The following SI variants were observed in gnomAD, a reference collection of about 807,000 sequenced individuals.
The protein encoded by SI is sucrase-isomaltase, also known as sucrase-isomaltase, intestinal.
Under a neutral mutation model 253.3 loss-of-function variants are expected in SI, and 235 were observed. That is an observed-to-expected ratio of 0.93 (90% CI 0.83 to 1.03). The LOEUF (loss-of-function observed/expected upper bound fraction) is 1.03, where lower values mean the gene tolerates loss of function less well. SI is among the 50% of genes least tolerant of loss of function. SI has a pLI of 0.00. For synonymous variants in SI, 819 were observed against 712.0 expected, an observed-to-expected ratio of 1.15 and a Z score of -2.39; for missense variants, 2,442 against 2,211.1, an observed-to-expected ratio of 1.10 and a Z score of -2.09.
At chr3:165,067,277 T>C in intron 6 of SI, 63 bp downstream of exon 6, 1 of 1,232,862 alleles carries the variant, frequency 8.1e-7, no homozygotes, top group Non-Finnish European at 1.1e-6. Flanking sequence ...TGTCTTGAAA[T>C]TAAGACTTTC....
At chr3:165,075,336 A>G (rs1560022167) in intron 2 of SI, among the ~76,000 whole-genome samples, 1 of 152,050 alleles carries the variant, frequency 6.6e-6, no homozygotes, top group Non-Finnish European at 1.5e-5. Flanking sequence ...TGCTCAAGAG[A>G]GAATAATGAA....
chr3:165,053,703 AT>A (rs2108239607), intron 13 of SI, among the ~76,000 whole-genome samples: 1 of 152,264 alleles, frequency 6.6e-6, no homozygotes, highest in Non-Finnish European at 1.5e-5. Context: ...AATGCAAGAA[AT>A]GCAACACTCT....
chr3:165,012,980 A>G lies in SI; in HGVS notation c.4062T>C (p.Asn1354=). ...DKTLTEDEAV[N]ASRAHVAFPD... is the part of the protein sequence containing the mutation. Reference sequence around the variant, plus strand: ...TATAGTTAGCCCGTGTAAAACTTACATTAACAGCTTCATCTTCCGTTAGAG... The same window carrying G: ...TATAGTTAGCCCGTGTAAAACTTACGTTAACAGCTTCATCTTCCGTTAGAG... Residue 1354 remains asparagine, a splice_region_variant and synonymous_variant, in exon 34 of 48, where the codon AAT becomes AAC. Coordinates refer to ENST00000264382, the MANE Select transcript of SI (RefSeq NM_001041.4). 2 of 1,596,382 alleles carry G rather than the reference A, an allele frequency of 1.3e-6. No homozygotes were observed. Among genetic ancestry groups the G allele is most frequent in the South Asian group, 1.1e-5 (1 of 90,706 alleles).
chr3:165,009,996 G>A lies in SI; in HGVS notation c.4063-601C>T, dbSNP rs367622809. 5.3e-5 allele frequency among the ~76,000 whole-genome samples: 8 copies of A among 152,120 alleles called. 1 individual carries two copies. Among genetic ancestry groups the A allele is most frequent in the East Asian group, 1.9e-4 (1 of 5,178 alleles). Reference sequence around the variant, plus strand: ...AGATTGACCTGCAGCTAAGTTAATTGGGTATGTCTCAAAAAAATGACATGA... The same window carrying A: ...AGATTGACCTGCAGCTAAGTTAATTAGGTATGTCTCAAAAAAATGACATGA... On this transcript the variant is annotated intron_variant, in intron 34 of 47. Transcript: ENST00000264382.
At chr3:165,062,212 A>G (rs1235447355) in intron 9 of SI, among the ~76,000 whole-genome samples, 159 bp downstream of exon 9, 1 of 151,860 alleles carries the variant, frequency 6.6e-6, no homozygotes, top group Non-Finnish European at 1.5e-5. Context: ...TATAGGGGAA[A>G]AAAAAAACAC....
chr3:165,081,100 T>C (rs1407424349), upstream of SI, among the ~76,000 whole-genome samples: 1 of 151,492 alleles, frequency 6.6e-6, no homozygotes, highest in African/African-American at 2.4e-5. Context: ...AAAAAATGCT[T>C]AGAAGGTAAA....
chr3:165,022,772 C>T (rs539922961), intron 26 of SI, among the ~76,000 whole-genome samples: 1 of 151,608 alleles, frequency 6.6e-6, no homozygotes, highest in African/African-American at 2.4e-5. Flanking sequence ...TTCAGACAAA[C>T]TTAAAAGTTA....
At chr3:164,994,465 C>T in intron 40 of SI, 60 bp from the exon 41 acceptor site, 2 of 1,544,682 alleles carry the variant, frequency 1.3e-6, no homozygotes, top group Non-Finnish European at 1.8e-6. Context: ...TCATAATATT[C>T]ATATTCATAT....
intron 6 of SI, among the ~76,000 whole-genome samples, chr3:165,067,039 A>G (rs1714280554): frequency 6.6e-6 from 1 of 151,974 alleles, no homozygotes; most frequent in Non-Finnish European, 1.5e-5. Context: ...TACGATAAAT[A>G]TAAGGGGGAA....
Position 165,040,895 on chromosome 3 carries a change from C to T in SI, c.2159+45G>A, listed in dbSNP as rs779361359. On this transcript the variant is annotated intron_variant, in intron 18 of 47. Coordinates refer to ENST00000264382, the MANE Select transcript of SI (RefSeq NM_001041.4). Reference sequence around the variant, plus strand: ...TTAAACTTTTCTGTGTATGTTTGAACATACTTTAAAAGGTATTATTATAAT... The same window carrying T: ...TTAAACTTTTCTGTGTATGTTTGAATATACTTTAAAAGGTATTATTATAAT... 2.7e-6 allele frequency: 4 copies of T among 1,483,990 alleles called. No homozygotes were observed. In the East Asian group the frequency reaches 6.8e-5, roughly 25 times the overall value. 91.9% of individuals were successfully genotyped at this position (1,483,990 alleles called of 1,614,324 possible).
intron 45 of SI, among the ~76,000 whole-genome samples, chr3:164,984,543 T>C (rs1424348849): frequency 6.6e-6 from 1 of 152,096 alleles, no homozygotes; most frequent in Admixed American, 6.6e-5. Context: ...TACGAAGATA[T>C]GGGTAGCTTT....
chr3:164,996,627 A>G lies in SI; in HGVS notation c.4600T>C (p.Phe1534Leu), dbSNP rs1187821046. 6 of 1,604,584 alleles carry G rather than the reference A, an allele frequency of 3.7e-6. No homozygotes were observed. Among genetic ancestry groups the G allele is most frequent in the Non-Finnish European group, 4.3e-6 (5 of 1,172,046 alleles). ...SYTGADICGFFNNSEYHLCTR... is the reference protein window; with the variant it reads ...SYTGADICGFLNNSEYHLCTR... ...CAGAGATGATATTCTGAGTTGTTGA[A>G]AAAACCACAGATGTCTGCTCCAGTC... Residue 1534 changes from phenylalanine to leucine, a missense_variant, in exon 40 of 48, where the codon TTC becomes CTC. Physicochemically the swap from Phe to Leu is conservative, Grantham distance 22. Transcript: ENST00000264382.
intron 3 of SI, among the ~76,000 whole-genome samples, chr3:165,070,602 T>G (rs987640093): frequency 5.3e-5 from 8 of 151,872 alleles, no homozygotes; most frequent in African/African-American, 1.9e-4. Context: ...GAAAGATTTG[T>G]ATATAAAACT....
intron 13 of SI, among the ~76,000 whole-genome samples, chr3:165,051,252 A>G (rs2108235519): frequency 6.6e-6 from 1 of 152,228 alleles, no homozygotes; most frequent in South Asian, 2.1e-4. Context: ...AGCTAAGGAA[A>G]TTTGATACAT....
At chr3:164,992,254 C>A in intron 42 of SI, 21 bp from the exon 43 acceptor site, 1 of 1,612,426 alleles carries the variant, frequency 6.2e-7, no homozygotes, top group African/African-American at 1.3e-5. Context: ...AATAAATAGC[C>A]ATTAGTTGTA....
intron 37 of SI, among the ~76,000 whole-genome samples, chr3:164,999,876 A>G (rs189429388): frequency 3.4e-4 from 51 of 151,776 alleles, no homozygotes; most frequent in African/African-American, 1.1e-3. Flanking sequence ...GTTAACTTAA[A>G]ATGTTCTACT....
At chr3:164,991,521 G>A (rs1553769205) in intron 43 of SI, 44 bp from the exon 44 acceptor site, 2 of 1,607,508 alleles carry the variant, frequency 1.2e-6, no homozygotes, top group South Asian at 1.1e-5. Flanking sequence ...GCAAGAAATG[G>A]AATCATCAGC....
chr3:165,089,131 C>A, the SI span, among the ~76,000 whole-genome samples: 1 of 145,274 alleles, frequency 6.9e-6, no homozygotes, highest in African/African-American at 2.5e-5. Context: ...CTTTGAAGAA[C>A]ATTGTTATGG....
intron 16 of SI, 101 bp from the exon 17 acceptor site, chr3:165,043,276 ATTTG>A (rs1712942680): frequency 2.6e-6 from 2 of 783,328 alleles, no homozygotes; most frequent in Admixed American, 2.2e-5. Flanking sequence ...CTTATATACA[ATTTG>A]TTTTACTCCT....
Sources: gnomAD v4.1 joint callset for allele counts (sites outside exome capture counted in the v4.1 genomes callset) on GRCh38, gnomAD v4.1.1 for gene constraint, MANE v1.5 for transcripts, NCBI Gene and HGNC (gene_info 2026-07-23, HGNC 2026-07-21) for gene names.